The following PBX1 variants were observed in gnomAD, a reference collection of about 807,000 sequenced individuals.
The protein encoded by PBX1 is PBX homeobox 1, also known as pre-B-cell leukemia transcription factor 1.
Under a neutral mutation model 53.4 loss-of-function variants are expected in PBX1, and 6 were observed. The observed-to-expected ratio is 0.11, with a 90% CI of 0.06 to 0.22. The LOEUF (loss-of-function observed/expected upper bound fraction) is 0.22. Ranked by LOEUF, PBX1 falls within the 10% of genes least tolerant of loss-of-function variation. The pLI, the probability that PBX1 is intolerant of heterozygous loss-of-function variation, is 1.00. For synonymous variants in PBX1, 204 were observed against 212.3 expected (o/e 0.96, Z 0.34); for missense variants, 251 against 551.4 (o/e 0.46, Z 5.46).
chr1:164,741,327 C>A (rs1665589919), intron 2 of PBX1, among the ~76,000 whole-genome samples: 1 of 152,174 alleles, frequency 6.6e-6, no homozygotes, highest in Non-Finnish European at 1.5e-5. Context: ...ATATGATTCA[C>A]ATGTATGCCT....
chr1:164,742,214 T>G (rs1665649387), intron 2 of PBX1, among the ~76,000 whole-genome samples: 2 of 151,970 alleles, frequency 1.3e-5, no homozygotes, highest in Non-Finnish European at 2.9e-5. Flanking sequence ...TCTGTATTAC[T>G]TACGGATTGG....
chr1:164,693,143 ACAG>A (rs137998530), intron 2 of PBX1, among the ~76,000 whole-genome samples: 33,932 of 152,088 alleles, frequency 0.22, 3,890 homozygotes, highest in African/African-American at 0.25. Flanking sequence ...CCACTGTAAC[ACAG>A]CAGATTTAAA....
chr1:164,662,878 C>T (rs1260442483), intron 2 of PBX1, among the ~76,000 whole-genome samples: 11 of 151,814 alleles, frequency 7.2e-5, no homozygotes, highest in Non-Finnish European at 1.5e-4. Context: ...GAACTTTGAT[C>T]AGATATTGTT....
intron 2 of PBX1, among the ~76,000 whole-genome samples, chr1:164,592,135 G>T (rs1268116754): frequency 6.6e-6 from 1 of 152,080 alleles, no homozygotes; most frequent in Non-Finnish European, 1.5e-5. Context: ...GGGAGGTGGG[G>T]AGGAGGGCCT....
intron 8 of PBX1, among the ~76,000 whole-genome samples, chr1:164,834,534 G>A (rs910876445): frequency 2.0e-5 from 3 of 151,888 alleles, no homozygotes; most frequent in Non-Finnish European, 4.4e-5. Context: ...TAGTAGAGAC[G>A]GAGTTTCACC....
At chr1:164,589,945 A>G (rs1655247470) in intron 2 of PBX1, among the ~76,000 whole-genome samples, 1 of 152,214 alleles carries the variant, frequency 6.6e-6, no homozygotes, top group South Asian at 2.1e-4. Flanking sequence ...GCGGTGGCTC[A>G]TGTCTTTCAT....
chr1:164,717,860 A>C (rs1664190180), intron 2 of PBX1, among the ~76,000 whole-genome samples: 1 of 152,228 alleles, frequency 6.6e-6, no homozygotes, highest in African/African-American at 2.4e-5. Context: ...ACTAAGAAGT[A>C]GTACCTAGCA....
chr1:164,617,323 G>A (rs1370251957), intron 2 of PBX1, among the ~76,000 whole-genome samples: 1 of 152,192 alleles, frequency 6.6e-6, no homozygotes, highest in Non-Finnish European at 1.5e-5. Context: ...TGATCAGAGA[G>A]AATAAGGAGG....
chr1:164,816,887 C>A (rs1669905627), intron 6 of PBX1: 1 of 151,576 alleles, frequency 6.6e-6, no homozygotes, highest in Non-Finnish European at 1.5e-5. Context: ...TTTAAGTCTC[C>A]TGAAGATTCT....
intron 2 of PBX1, among the ~76,000 whole-genome samples, chr1:164,714,905 A>G (rs911485353): frequency 2.0e-5 from 3 of 152,184 alleles, no homozygotes; most frequent in Non-Finnish European, 2.9e-5. Context: ...CATCTTTTTG[A>G]TGACTATTTT....
At chr1:164,834,177 C>T (rs956557274) in intron 8 of PBX1, among the ~76,000 whole-genome samples, 4 of 151,488 alleles carry the variant, frequency 2.6e-5, no homozygotes, top group African/African-American at 4.9e-5. Flanking sequence ...CATTCATTCA[C>T]TCATTCACTC....
intron 2 of PBX1, among the ~76,000 whole-genome samples, chr1:164,721,809 G>A (rs971405635): frequency 1.3e-5 from 2 of 152,162 alleles, no homozygotes; most frequent in East Asian, 3.9e-4. Flanking sequence ...TTCACTTACA[G>A]TGCTTCATTC....
chr1:164,877,048 A>T (rs1372736828), intron 2 of PBX1, among the ~76,000 whole-genome samples: 2 of 152,054 alleles, frequency 1.3e-5, no homozygotes, highest in African/African-American at 4.8e-5. Context: ...GGCTTTATGT[A>T]CATTATCTCA....
chr1:164,642,947 A>G (rs953267634), intron 2 of PBX1: 6 of 152,210 alleles, frequency 3.9e-5, no homozygotes, highest in African/African-American at 1.4e-4. Context: ...TATAGAAGCA[A>G]CTGATTGATG....
In PBX1 at chr1:164,846,908, A is replaced by T; in HGVS notation, c.*232A>T. The T allele has an allele frequency of 1.5e-6, 2 of 1,372,802 alleles. No individual in the cohort carries two copies. Among genetic ancestry groups the T allele is most frequent in the Non-Finnish European group, 1.9e-6 (2 of 1,062,004 alleles). 85.0% of individuals were successfully genotyped at this position (1,372,802 alleles called of 1,614,324 possible). On this transcript the variant is annotated 3_prime_UTR_variant, in exon 9 of 9. Coordinates refer to ENST00000420696, the MANE Select transcript of PBX1 (RefSeq NM_002585.4). ...GTAGAAGCCACCCTTCCCTGCCTCC[A>T]GCTGTCAGCCTGGTTTTCGTCATCT...
At chr1:164,587,550 T>C (rs1557875839) in intron 2 of PBX1, among the ~76,000 whole-genome samples, 1 of 152,206 alleles carries the variant, frequency 6.6e-6, no homozygotes, top group Non-Finnish European at 1.5e-5. Flanking sequence ...TGATTTTTTT[T>C]TTTAAGAGTA....
intron 8 of PBX1, among the ~76,000 whole-genome samples, chr1:164,824,566 C>G (rs1670329115): frequency 2.0e-5 from 3 of 152,086 alleles, no homozygotes; most frequent in Non-Finnish European, 2.9e-5. Flanking sequence ...GTAGGTAGTT[C>G]CTAGTGAGGA....
At chr1:164,815,936 C>G (rs979996055) in intron 6 of PBX1, 4 of 152,084 alleles carry the variant, frequency 2.6e-5, no homozygotes, top group Non-Finnish European at 5.9e-5. Context: ...AAACTCAGAG[C>G]CTTCATGCCC....
At chr1:164,575,725 T>A (rs962237876) in intron 2 of PBX1, among the ~76,000 whole-genome samples, 1 of 152,156 alleles carries the variant, frequency 6.6e-6, no homozygotes, top group African/African-American at 2.4e-5. Context: ...AGAATTTGCA[T>A]GCAGAGGCTC....
Sources: gnomAD v4.1 joint callset for allele counts (sites outside exome capture counted in the v4.1 genomes callset) on GRCh38, gnomAD v4.1.1 for gene constraint, MANE v1.5 for transcripts, NCBI Gene and HGNC (gene_info 2026-07-23, HGNC 2026-07-21) for gene names.